FBXL20: variants seen among roughly 807,000 people sequenced by gnomAD.
FBXL20 encodes F-box/LRR-repeat protein 20.
In FBXL20, 11 loss-of-function variants were observed where a neutral mutation model predicts 64.0. That is an observed-to-expected ratio of 0.17 (90% confidence interval 0.11 to 0.28). The LOEUF is 0.28. Among genes scored for constraint, FBXL20 ranks in the 10% least tolerant of loss-of-function variants. FBXL20 has a pLI of 1.00. For synonymous variants in FBXL20, 184 were observed against 189.0 expected, an observed-to-expected ratio of 0.97 and a Z score of 0.22; for missense variants, 303 against 526.2, an observed-to-expected ratio of 0.58 and a Z score of 4.15.
intron 12 of FBXL20, among the ~76,000 whole-genome samples, chr17:39,267,846 T>C (rs1297393355): frequency 1.3e-5 from 2 of 152,204 alleles, no homozygotes; most frequent in East Asian, 1.9e-4. Context: ...CACTCAGGCA[T>C]GTATAAGAGA....
At position 39,301,079 on chromosome 17, in the gene FBXL20, T is replaced by A. The variant is rs985441815; in HGVS notation, c.160-4A>T. ...CCAGAGCCAGAACATTCCAGGCCTA[T>A]TTTAAAGAAAAAGAGACAGAATGAG... On this transcript the variant is annotated splice_polypyrimidine_tract_variant and splice_region_variant and intron_variant, in intron 3 of 14. Coordinates refer to ENST00000264658, the MANE Select transcript of FBXL20 (RefSeq NM_032875.3). 6.2e-7 allele frequency: 1 copy of A among 1,612,968 alleles called. No homozygotes were observed. The highest frequency in any genetic ancestry group is 8.5e-7 in the Non-Finnish European group (1 of 1,179,638).
At chr17:39,285,615 A>G (rs768917348) in intron 6 of FBXL20, 42 bp from the exon 7 acceptor site, 1 of 1,312,428 alleles carries the variant, frequency 7.6e-7, no homozygotes, top group Non-Finnish European at 1.1e-6. Context: ...TAAACAAGAC[A>G]AGTACACATC....
At chr17:39,334,818 A>G (rs993285205) in intron 2 of FBXL20, among the ~76,000 whole-genome samples, 1 of 152,226 alleles carries the variant, frequency 6.6e-6, no homozygotes, top group African/African-American at 2.4e-5. Flanking sequence ...GGCTGGGCAC[A>G]GTGGCTCATG....
At chr17:39,332,329 A>G (rs1405604931) in intron 2 of FBXL20, among the ~76,000 whole-genome samples, 2 of 152,170 alleles carry the variant, frequency 1.3e-5, no homozygotes, top group Non-Finnish European at 2.9e-5. Flanking sequence ...AATGGCACCT[A>G]AGCCGCTGGA....
chr17:39,324,340 G>C (rs1201772067), intron 2 of FBXL20, among the ~76,000 whole-genome samples: 1 of 148,794 alleles, frequency 6.7e-6, no homozygotes, highest in South Asian at 2.1e-4. Flanking sequence ...CTAGGCTGGA[G>C]TGCAGTGGCA....
intron 1 of FBXL20, among the ~76,000 whole-genome samples, chr17:39,363,846 C>T (rs369228474): frequency 1.4e-5 from 1 of 70,708 alleles, no homozygotes; most frequent in Non-Finnish European, 2.7e-5. Flanking sequence ...AAAAAAAAAA[C>T]AATAAAAAGT....
chr17:39,331,888 C>G (rs572041375), intron 2 of FBXL20, among the ~76,000 whole-genome samples: 2 of 152,232 alleles, frequency 1.3e-5, no homozygotes, highest in African/African-American at 2.4e-5. Context: ...TATATTTAAT[C>G]CATTTGGCCT....
chr17:39,326,387 C>T (rs1050467134), intron 2 of FBXL20, among the ~76,000 whole-genome samples: 7 of 151,992 alleles, frequency 4.6e-5, no homozygotes, highest in South Asian at 2.1e-4. Context: ...TGGTCAGGTA[C>T]AGTGGCTCAT....
intron 2 of FBXL20, among the ~76,000 whole-genome samples, chr17:39,308,491 T>C (rs1319626067): frequency 6.6e-6 from 1 of 150,952 alleles, no homozygotes; most frequent in African/African-American, 2.4e-5. Flanking sequence ...CCAGACTGTC[T>C]CTTAAAAAAA....
intron 2 of FBXL20, among the ~76,000 whole-genome samples, chr17:39,309,773 C>CA (rs1370817125): frequency 7.8e-6 from 1 of 127,518 alleles, no homozygotes; most frequent in African/African-American, 3.1e-5. Flanking sequence ...GCCTAGGTGA[C>CA]AGAGTGAGAC....
rs376991686 is a variant in FBXL20, at chr17:39,385,342, T to C, written c.42+16019A>G. 9.4e-4 allele frequency among the ~76,000 whole-genome samples: 131 copies of C among 139,742 alleles called. 1 individual carries two copies. Among genetic ancestry groups the C allele is most frequent in the African/African-American group, 3.5e-3 (120 of 34,628 alleles). 91.7% of individuals were successfully genotyped at this position (139,742 alleles called of 152,430 possible). ...TAGAAAACACACACACACACACACA[T>C]AAATGGTTACCTCTGGGGAATGAGG... On this transcript the variant is annotated intron_variant, in intron 1 of 14. Transcript: ENST00000264658.
At chr17:39,398,208 G>T (rs901424611) in intron 1 of FBXL20, among the ~76,000 whole-genome samples, 1 of 151,934 alleles carries the variant, frequency 6.6e-6, no homozygotes, top group African/African-American at 2.4e-5. Context: ...CTTAAAACCT[G>T]GGAAGTGGTT....
intron 2 of FBXL20, among the ~76,000 whole-genome samples, chr17:39,339,342 C>T (rs552754573): frequency 6.6e-6 from 1 of 152,000 alleles, no homozygotes; most frequent in Non-Finnish European, 1.5e-5. Flanking sequence ...GTGGCATGTA[C>T]CTGAGTCCCA....
chr17:39,282,937 G>C, intron 7 of FBXL20, 82 bp from the exon 8 acceptor site: 1 of 1,514,278 alleles, frequency 6.6e-7, no homozygotes, highest in Non-Finnish European at 9.1e-7. Flanking sequence ...TGGCTATTTA[G>C]TAAAGGAATG....
chr17:39,356,829 T>TG (rs1455794795), intron 1 of FBXL20, among the ~76,000 whole-genome samples: 2 of 151,004 alleles, frequency 1.3e-5, no homozygotes, highest in Non-Finnish European at 3.0e-5. Context: ...CTAATTTTTT[T>TG]TTTTTTAATT....
chr17:39,265,383 A>C lies in FBXL20; in HGVS notation c.990+14T>G. ...AACCCAGTAAACACATAAAGTTTTC[A>C]AAGTTAAACTCACCAATACTTGAAG... On this transcript the variant is annotated intron_variant, in intron 13 of 14. Transcript: ENST00000264658. 1.2e-6 allele frequency: 2 copies of C among 1,601,388 alleles called. No individual in the cohort carries two copies.
At chr17:39,343,695 C>CCTTT (rs926629112) in intron 1 of FBXL20, among the ~76,000 whole-genome samples, 1 of 134,604 alleles carries the variant, frequency 7.4e-6, no homozygotes. Flanking sequence ...GGCGAAAACT[C>CCTTT]TTTTTTTTTT....
intron 5 of FBXL20, among the ~76,000 whole-genome samples, chr17:39,298,132 A>T (rs554517458): frequency 1.6e-4 from 25 of 151,994 alleles, no homozygotes; most frequent in African/African-American, 6.0e-4. Flanking sequence ...ATTTATTTTT[A>T]GAGACAGGGT....
chr17:39,265,475 G>A (rs2046782437), intron 12 of FBXL20, 22 bp from the exon 13 acceptor site: 1 of 1,545,768 alleles, frequency 6.5e-7, no homozygotes, highest in Non-Finnish European at 8.9e-7. Context: ...AACGTATGTT[G>A]ATTTTAGGTA....
Sources: gnomAD v4.1 joint callset for allele counts (sites outside exome capture counted in the v4.1 genomes callset) on GRCh38, gnomAD v4.1.1 for gene constraint, MANE v1.5 for transcripts, NCBI Gene and HGNC (gene_info 2026-07-23, HGNC 2026-07-21) for gene names.